The following GPC6 variants were observed in gnomAD, a reference collection of about 807,000 sequenced individuals.
The protein encoded by GPC6 is glypican 6.
GPC6 carries 14 observed loss-of-function variants against 55.2 expected under a neutral mutation model. That is an observed-to-expected ratio of 0.25 (90% CI 0.17 to 0.40). The LOEUF is 0.40. Among genes scored for constraint, GPC6 ranks in the 10% least tolerant of loss-of-function variants. The probability of loss-of-function intolerance (pLI) is 1.00; values close to 1 mark genes in which losing one functional copy is unlikely to be tolerated. For synonymous variants in GPC6, 278 were observed against 259.6 expected (o/e 1.07, Z -0.68); for missense variants, 641 against 708.5 (o/e 0.90, Z 1.08).
At chr13:93,611,923 C>A (rs377432791) in intron 2 of GPC6, among the ~76,000 whole-genome samples, 3 of 152,110 alleles carry the variant, frequency 2.0e-5, no homozygotes, top group African/African-American at 7.2e-5. Context: ...TATTGATAAA[C>A]CAGGTAGCTA....
At chr13:94,228,034 T>G (rs1890611571) in intron 4 of GPC6, among the ~76,000 whole-genome samples, 3 of 152,184 alleles carry the variant, frequency 2.0e-5, no homozygotes, top group Admixed American at 2.0e-4. Context: ...ATAGCAGATA[T>G]GAAAGCATCT....
At chr13:93,563,782 C>T (rs1476578221) in intron 2 of GPC6, among the ~76,000 whole-genome samples, 1 of 151,694 alleles carries the variant, frequency 6.6e-6, no homozygotes, top group African/African-American at 2.4e-5. Context: ...AAGACTAATC[C>T]TGCCAGCAGA....
At chr13:94,233,756 G>A (rs1037515359) in intron 4 of GPC6, among the ~76,000 whole-genome samples, 1 of 151,974 alleles carries the variant, frequency 6.6e-6, no homozygotes, top group African/African-American at 2.4e-5. Context: ...AGTGATTTTG[G>A]TTTATTGTTA....
chr13:93,650,702 C>A (rs1460436130), intron 2 of GPC6, among the ~76,000 whole-genome samples: 1 of 152,172 alleles, frequency 6.6e-6, no homozygotes, highest in African/African-American at 2.4e-5. Flanking sequence ...GCCACATAAG[C>A]TTATTGTTTT....
At chr13:94,036,460 T>A (rs931989038) in intron 4 of GPC6, among the ~76,000 whole-genome samples, 1 of 152,050 alleles carries the variant, frequency 6.6e-6, no homozygotes, top group Non-Finnish European at 1.5e-5. Flanking sequence ...CAGGGATATA[T>A]CTGTATGCAT....
At chr13:94,052,940 C>CTCTATTCT (rs962769594) in intron 4 of GPC6, among the ~76,000 whole-genome samples, 5 of 152,094 alleles carry the variant, frequency 3.3e-5, no homozygotes, top group African/African-American at 1.2e-4. Context: ...TACTCTGGGA[C>CTCTATTCT]TCTATTCTCT....
chr13:93,236,320 G>T (rs753552936), intron 1 of GPC6, among the ~76,000 whole-genome samples: 2 of 152,036 alleles, frequency 1.3e-5, no homozygotes, highest in Non-Finnish European at 2.9e-5. Context: ...AGCTTTTAGC[G>T]TACCTGTCAC....
At chr13:93,473,158 A>G (rs1879183982) in intron 1 of GPC6, among the ~76,000 whole-genome samples, 1 of 152,162 alleles carries the variant, frequency 6.6e-6, no homozygotes, top group Non-Finnish European at 1.5e-5. Flanking sequence ...GCCTGAAGGT[A>G]GGGCCTCACC....
intron 1 of GPC6, among the ~76,000 whole-genome samples, chr13:93,518,746 T>C (rs552392896): frequency 5.9e-5 from 9 of 152,014 alleles, no homozygotes; most frequent in Non-Finnish European, 1.2e-4. Context: ...AAAGAATTAC[T>C]GTAATTCTTA....
chr13:93,236,227 T>C (rs1047697538), intron 1 of GPC6, among the ~76,000 whole-genome samples: 4 of 152,182 alleles, frequency 2.6e-5, no homozygotes, highest in African/African-American at 4.8e-5. Flanking sequence ...ATCCTTTTTT[T>C]TGTTATTCTT....
intron 1 of GPC6, among the ~76,000 whole-genome samples, chr13:93,369,787 G>A (rs190158627): frequency 2.0e-5 from 3 of 152,054 alleles, no homozygotes; most frequent in African/African-American, 7.2e-5. Flanking sequence ...ACTATAAAAA[G>A]AAATGTTCAA....
At chr13:94,351,285 G>A (rs1878530093) in intron 6 of GPC6, among the ~76,000 whole-genome samples, 1 of 152,096 alleles carries the variant, frequency 6.6e-6, no homozygotes, top group African/African-American at 2.4e-5. Context: ...CCTGGGGACA[G>A]AGAACCACGG....
chr13:93,283,991 T>G (rs769280561), intron 1 of GPC6, among the ~76,000 whole-genome samples: 2 of 152,206 alleles, frequency 1.3e-5, no homozygotes, highest in African/African-American at 4.8e-5. Context: ...CAATCTAGAA[T>G]TGACAACTGT....
intron 2 of GPC6, among the ~76,000 whole-genome samples, chr13:93,726,147 CACACAT>C (rs1257465572): frequency 6.2e-5 from 9 of 145,822 alleles, no homozygotes; most frequent in East Asian, 2.3e-4. Flanking sequence ...CACACACACA[CACACAT>C]ATCAAGCAAA....
intron 4 of GPC6, among the ~76,000 whole-genome samples, chr13:94,122,511 C>G (rs1886667755): frequency 6.6e-6 from 1 of 152,100 alleles, no homozygotes; most frequent in South Asian, 2.1e-4. Context: ...TCCTGCAACT[C>G]CAGCCTGTTG....
intron 2 of GPC6, among the ~76,000 whole-genome samples, chr13:93,778,919 G>A (rs1885550181): frequency 6.6e-6 from 1 of 152,170 alleles, no homozygotes; most frequent in Non-Finnish European, 1.5e-5. Flanking sequence ...TCAGAGAACT[G>A]TAGCCAATCC....
intron 4 of GPC6, among the ~76,000 whole-genome samples, chr13:94,143,954 T>C (rs958025110): frequency 6.6e-6 from 1 of 152,204 alleles, no homozygotes; most frequent in Non-Finnish European, 1.5e-5. Context: ...ACATCAGCGA[T>C]TGTCACGTGG....
intron 6 of GPC6, 108 bp from the exon 7 acceptor site, chr13:94,382,306 T>C (rs1880192673): frequency 1.7e-6 from 2 of 1,158,440 alleles, no homozygotes; most frequent in Non-Finnish European, 2.6e-6. Flanking sequence ...AAAGAGTTCC[T>C]GCTGGTCATA....
chr13:94,042,918 A>C (rs1883591658), intron 4 of GPC6, among the ~76,000 whole-genome samples: 1 of 151,410 alleles, frequency 6.6e-6, no homozygotes, highest in African/African-American at 2.4e-5. Context: ...CCAACTTCTT[A>C]TCTGTTTAGT....
Sources: gnomAD v4.1 joint callset for allele counts (sites outside exome capture counted in the v4.1 genomes callset) on GRCh38, gnomAD v4.1.1 for gene constraint, MANE v1.5 for transcripts, NCBI Gene and HGNC (gene_info 2026-07-23, HGNC 2026-07-21) for gene names.